PNPLA7: variants seen among roughly 807,000 people sequenced by gnomAD.
PNPLA7 encodes the protein patatin-like phospholipase domain-containing protein 7.
PNPLA7 carries 153 observed loss-of-function variants against 161.7 expected under a neutral mutation model. The ratio of observed to expected loss-of-function variants is 0.95; its 90% confidence interval spans 0.83 to 1.08. PNPLA7 has a LOEUF of 1.08. PNPLA7 is among the 50% of genes least tolerant of loss of function. PNPLA7 has a pLI of 0.00. For synonymous variants in PNPLA7, 809 were observed against 782.1 expected, an observed-to-expected ratio of 1.03 and a Z score of -0.57; for missense variants, 1,739 against 1,856.6, an observed-to-expected ratio of 0.94 and a Z score of 1.16.
chr9:137,522,561 C>T (rs955104295), intron 9 of PNPLA7, among the ~76,000 whole-genome samples, 168 bp downstream of exon 9: 36 of 152,388 alleles, frequency 2.4e-4, no homozygotes, highest in Middle Eastern at 3.4e-3. Flanking sequence ...TGGTAAGTCC[C>T]GCCAATGAAG....
chr9:137,464,790 C>T (rs1181166513), intron 26 of PNPLA7: 3 of 325,908 alleles, frequency 9.2e-6, no homozygotes, highest in African/African-American at 6.4e-5. Flanking sequence ...CAAGGCCTGC[C>T]CATGCCCGTG....
intron 19 of PNPLA7, among the ~76,000 whole-genome samples, chr9:137,493,419 C>T (rs571694752): frequency 6.6e-6 from 1 of 152,234 alleles, no homozygotes; most frequent in African/African-American, 2.4e-5. Flanking sequence ...AAGCCACCCA[C>T]GACCCTGAAG....
intron 11 of PNPLA7, among the ~76,000 whole-genome samples, chr9:137,517,199 C>A (rs2132442215): frequency 7.1e-6 from 1 of 139,876 alleles, no homozygotes; most frequent in South Asian, 2.5e-4. Context: ...TCTGTCCACT[C>A]CATCCCCCGT....
Position 137,507,844 on chromosome 9 carries a change from A to G in PNPLA7, c.1226-1761T>C, listed in dbSNP as rs180893278. ...CAAGCCGGAAGGATCGCTTGAGCCCAGGAGTTTGAGGCCTGGACAACATAG... is the reference window on the plus strand; with the variant it reads ...CAAGCCGGAAGGATCGCTTGAGCCCGGGAGTTTGAGGCCTGGACAACATAG... On this transcript the variant is annotated intron_variant, in intron 12 of 34. Coordinates refer to ENST00000406427, the MANE Select transcript of PNPLA7 (RefSeq NM_001098537.3). Among the ~76,000 whole-genome samples, 22 of 152,290 alleles carry G rather than the reference A, an allele frequency of 1.4e-4. No individual in the cohort carries two copies. The East Asian group carries it at 3.7e-3, about 25-fold the overall frequency.
intron 12 of PNPLA7, 131 bp from the exon 13 acceptor site, chr9:137,506,214 G>A (rs890831525): frequency 7.4e-6 from 5 of 677,306 alleles, no homozygotes; most frequent in Non-Finnish European, 1.3e-5. Flanking sequence ...GTCGGGCCCT[G>A]AGATCCCTCC....
intron 17 of PNPLA7, among the ~76,000 whole-genome samples, chr9:137,497,602 A>G (rs1036339931): frequency 1.3e-5 from 2 of 152,234 alleles, no homozygotes; most frequent in South Asian, 2.1e-4. Flanking sequence ...ACCTCGGCTC[A>G]CTGCAACCTC....
chr9:137,511,672 G>A (rs760812556), intron 12 of PNPLA7, among the ~76,000 whole-genome samples: 3 of 152,214 alleles, frequency 2.0e-5, no homozygotes, highest in Non-Finnish European at 2.9e-5. Context: ...AGGCCTGCCC[G>A]CAGTCATTGG....
Position 137,547,302 on chromosome 9 carries a change from TACTC to T in PNPLA7, c.193+3_193+6del, listed in dbSNP as rs879157024. 2 of 1,613,070 alleles carry T rather than the reference TACTC, an allele frequency of 1.2e-6. No individual in the cohort carries two copies. The highest frequency in any genetic ancestry group is 2.2e-5 in the South Asian group (2 of 91,084). ...CCCCGGGCCAGAGTCGGAACCAAGA[TACTC>T]ACGAAATTGTCTAAGCCTTCTGAAC... On this transcript the variant is annotated splice_donor_5th_base_variant and intron_variant, in intron 3 of 34. Transcript: ENST00000406427. This position sits in a 1 kb window ranked among gnomAD's most constrained non-coding sequence, Gnocchi z 4.6.
intron 22 of PNPLA7, chr9:137,480,695 G>A: frequency 1.4e-6 from 1 of 729,444 alleles, no homozygotes; most frequent in Non-Finnish European, 2.2e-6. Context: ...GAGGCTCGTT[G>A]AGGGGCAGGC....
rs1831518642 is a variant in PNPLA7 at position 137,467,218 on chromosome 9, C to T, written c.3039+99G>A. The T allele has an allele frequency of 1.4e-6, 2 of 1,453,132 alleles. No individual in the cohort carries two copies. The highest frequency in any genetic ancestry group is 1.8e-6 in the Non-Finnish European group (2 of 1,091,086). 90.0% of individuals were successfully genotyped at this position (1,453,132 alleles called of 1,614,324 possible). ...GGGTAGCCTCCTCGAGGGCAGGGCC[C>T]TGCAGAGCCACATGCAGAGGCCAAC... On this transcript the variant is annotated intron_variant, in intron 26 of 34. Transcript: ENST00000406427. This position sits in a 1 kb window ranked among gnomAD's most constrained non-coding sequence, Gnocchi z 5.1.
intron 12 of PNPLA7, among the ~76,000 whole-genome samples, chr9:137,508,471 G>A (rs1300515595): frequency 6.6e-6 from 1 of 152,098 alleles, no homozygotes. Context: ...GGCGGCTGAG[G>A]CAGGAGAATT....
In PNPLA7 at chr9:137,481,002, C is replaced by G; in HGVS notation, c.2369G>C (p.Ser790Thr). ...GCCAAGGCGCCGTTTTATGTTGTCA[C>G]TAGTCAGCAGCAGGGTCGGGCCTGA... ...SAIGPTLLLT[S>T]DNIKRRLGSA... The change falls in exon 22 of 35, where the codon AGT (serine) becomes ACT (threonine). Residue 790 changes from serine (S) to threonine (T), a missense_variant. Physicochemically the swap from Ser to Thr is moderately conservative, Grantham distance 58 (BLOSUM62 1). This residue lies in a region of PNPLA7 where 192 missense variants were observed against 249.5 expected (regional missense o/e 0.77). Transcript: ENST00000406427. 1 of 1,551,714 alleles carries G rather than the reference C, an allele frequency of 6.4e-7. No homozygotes were observed. The highest frequency in any genetic ancestry group is 8.7e-7 in the Non-Finnish European group (1 of 1,146,978).
At position 137,540,262 on chromosome 9, in the gene PNPLA7, C is replaced by A. The variant is rs758584211; in HGVS notation, c.747+380G>T. 7.9e-5 allele frequency among the ~76,000 whole-genome samples: 12 copies of A among 152,186 alleles called. No individual in the cohort carries two copies. Among genetic ancestry groups the A allele is most frequent in the Non-Finnish European group, 1.5e-4 (10 of 68,042 alleles). ...AAAGACGGCGCCAGCAGGGAAGAGC[C>A]CAGCAGGACCTGCAGGAAACGGGGG... On this transcript the variant is annotated intron_variant, in intron 8 of 34. Coordinates refer to ENST00000406427, the MANE Select transcript of PNPLA7 (RefSeq NM_001098537.3). The surrounding 1 kb of genome is among the most constrained non-coding windows in gnomAD (Gnocchi z 5.1).
At position 137,476,300 on chromosome 9, in the gene PNPLA7, C is replaced by A. The variant is rs1831941788; in HGVS notation, c.2882+1734G>T. ...TTAACTCCAAGGAAGGAACTTCAAT[C>A]ATAGGATAGGATAGGATGTGACTTA... On this transcript the variant is annotated intron_variant, in intron 25 of 34. Transcript: ENST00000406427. The surrounding 1 kb of genome is among the most constrained non-coding windows in gnomAD (Gnocchi z 4.5). Among the ~76,000 whole-genome samples, 1 of 152,096 alleles carries A rather than the reference C, an allele frequency of 6.6e-6. No individual in the cohort carries two copies. The highest frequency in any genetic ancestry group is 2.4e-5 in the African/African-American group (1 of 41,402).
At chr9:137,497,664 AT>A (rs1833137060) in intron 17 of PNPLA7, among the ~76,000 whole-genome samples, 1 of 152,122 alleles carries the variant, frequency 6.6e-6, no homozygotes, top group African/African-American at 2.4e-5. Flanking sequence ...GGTAGCTGGG[AT>A]TATAGGCGCA....
intron 8 of PNPLA7, among the ~76,000 whole-genome samples, chr9:137,531,909 G>A (rs752080819): frequency 1.6e-4 from 24 of 152,102 alleles, no homozygotes; most frequent in Non-Finnish European, 2.9e-4. Context: ...ACCTGGGTTC[G>A]AGTTAAGATG....
rs1284342134 is a variant in PNPLA7, at chr9:137,497,249, G to A, written c.1951C>T (p.Arg651Trp). ...MLSGRLRSVI[R>W]KDDGKKRLAG... ...AGGCGCTTCTTCCCATCATCCTTCC[G>A]GATCACAGAGCGCAGCCGGCCGCTG... The change falls in exon 18 of 35, where the codon CGG (arginine) becomes TGG (tryptophan). Residue 651 changes from arginine to tryptophan, a missense_variant. Around this residue, in one of 6 missense-constraint regions of PNPLA7, gnomAD observed 481 missense variants for 450.0 expected, o/e 1.07. Coordinates refer to ENST00000406427, the MANE Select transcript of PNPLA7 (RefSeq NM_001098537.3). 4.0e-5 allele frequency: 64 copies of A among 1,592,350 alleles called. No individual in the cohort carries two copies. The highest frequency in any genetic ancestry group is 5.3e-5 in the Non-Finnish European group (62 of 1,170,494).
In PNPLA7 at chr9:137,540,577, C is replaced by A; in HGVS notation, c.747+65G>T. The stretch of plus-strand genomic sequence containing the variant: ...ACCACTACCAGCTGTCCAGACAAGA[C>A]AGAAAAACCAGGCCTCCGGGGCCAA... On this transcript the variant is annotated intron_variant, in intron 8 of 34. Transcript: ENST00000406427. This position sits in a 1 kb window ranked among gnomAD's most constrained non-coding sequence, Gnocchi z 5.1. The A allele has an allele frequency of 2.1e-6, 3 of 1,407,252 alleles. No homozygotes were observed. The highest frequency in any genetic ancestry group is 2.9e-6 in the Non-Finnish European group (3 of 1,021,594). The allele number at this position is 1,407,252 out of a possible 1,614,324, so 87.2% of individuals were successfully genotyped here. A position where few individuals can be genotyped will look rare whatever the true frequency, so the allele number is the denominator to read the frequency against.
rs952469783 is a variant in PNPLA7 at position 137,512,211 on chromosome 9, C to A, written c.1225+3168G>T. 7.2e-5 allele frequency among the ~76,000 whole-genome samples: 11 copies of A among 152,396 alleles called. No individual in the cohort carries two copies. In the South Asian group the frequency reaches 8.3e-4, roughly 11 times the overall value. On this transcript the variant is annotated intron_variant, in intron 12 of 34. Coordinates refer to ENST00000406427, the MANE Select transcript of PNPLA7 (RefSeq NM_001098537.3). Reference sequence around the variant, plus strand: ...AAGCACACGTGACTCCATGACCCAGCAGCCCCAACAGAAATGTGTACACGC... The same window carrying A: ...AAGCACACGTGACTCCATGACCCAGAAGCCCCAACAGAAATGTGTACACGC...
Sources: allele counts gnomAD v4.1 joint callset (sites outside exome capture counted in the v4.1 genomes callset), GRCh38; gene constraint gnomAD v4.1.1; regional missense constraint gnomAD v4.1.1; non-coding constraint Gnocchi (gnomAD v3.1); transcripts MANE v1.5; gene names NCBI Gene and HGNC (gene_info 2026-07-23, HGNC 2026-07-21).